The following ELMO1 variants were observed in gnomAD, a reference collection of about 807,000 sequenced individuals.
ELMO1 encodes the protein engulfment and cell motility 1, also known as engulfment and cell motility protein 1.
ELMO1 carries 26 observed loss-of-function variants against 98.9 expected under a neutral mutation model. The ratio of observed to expected loss-of-function variants is 0.26; its 90% CI spans 0.19 to 0.36. The LOEUF is 0.36. Ranked by LOEUF, ELMO1 falls within the 10% of genes least tolerant of loss-of-function variation. The probability of loss-of-function intolerance (pLI) is 1.00; values close to 1 mark genes in which losing one functional copy is unlikely to be tolerated. For synonymous variants in ELMO1, 346 were observed against 346.0 expected (o/e 1.00, Z 0.00); for missense variants, 627 against 935.2 (o/e 0.67, Z 4.30).
intron 1 of ELMO1, among the ~76,000 whole-genome samples, chr7:37,433,421 G>A (rs1269333882): frequency 2.0e-5 from 3 of 152,136 alleles, no homozygotes; most frequent in Admixed American, 6.5e-5. Context: ...TAGAAGTCAC[G>A]GAAGGTTCTC....
At chr7:36,992,554 TC>T (rs1460218725) in intron 16 of ELMO1, among the ~76,000 whole-genome samples, 2 of 152,130 alleles carry the variant, frequency 1.3e-5, no homozygotes, top group African/African-American at 4.8e-5. Context: ...GCCAAGCGCA[TC>T]CACTGGCAAT....
chr7:37,285,896 T>G (rs1160150243), intron 4 of ELMO1, among the ~76,000 whole-genome samples: 1 of 152,034 alleles, frequency 6.6e-6, no homozygotes, highest in African/African-American at 2.4e-5. Flanking sequence ...CAGTTTTAAC[T>G]TACCCCTCAA....
intron 13 of ELMO1, among the ~76,000 whole-genome samples, chr7:37,184,732 A>G (rs1791094044): frequency 6.6e-6 from 1 of 151,644 alleles, no homozygotes; most frequent in African/African-American, 2.4e-5. Context: ...ATATAGCAAA[A>G]CCCCATCTCT....
chr7:37,392,730 A>G (rs1803133647), intron 1 of ELMO1, among the ~76,000 whole-genome samples: 1 of 152,198 alleles, frequency 6.6e-6, no homozygotes, highest in Non-Finnish European at 1.5e-5. Flanking sequence ...TGCTCTCCTG[A>G]TTACAACTCC....
intron 7 of ELMO1, among the ~76,000 whole-genome samples, chr7:37,237,393 G>GA (rs1369586217): frequency 6.6e-6 from 1 of 152,070 alleles, no homozygotes; most frequent in South Asian, 2.1e-4. Context: ...AGGTTGAAGC[G>GA]ATTCTCCTGC....
At chr7:37,362,501 C>G (rs1236585596) in intron 1 of ELMO1, among the ~76,000 whole-genome samples, 1 of 152,114 alleles carries the variant, frequency 6.6e-6, no homozygotes, top group African/African-American at 2.4e-5. Flanking sequence ...TTTCTGAGTC[C>G]TTGTCTTTCT....
At chr7:37,217,902 G>A in intron 10 of ELMO1, 2 of 406,196 alleles carry the variant, frequency 4.9e-6, no homozygotes, top group East Asian at 7.2e-5. Flanking sequence ...ATACTGTAAG[G>A]TGACTCAAAA....
chr7:37,192,640 C>A, intron 13 of ELMO1, among the ~76,000 whole-genome samples: 1 of 150,072 alleles, frequency 6.7e-6, no homozygotes. Flanking sequence ...TCCACAAAAA[C>A]TACAAAAATT....
intron 1 of ELMO1, among the ~76,000 whole-genome samples, chr7:37,395,838 T>C (rs1370418132): frequency 2.0e-5 from 3 of 152,214 alleles, no homozygotes; most frequent in Non-Finnish European, 2.9e-5. Flanking sequence ...CAAGTAAAAC[T>C]GTGTAGTGCT....
chr7:36,865,715 A>G (rs6949576), intron 20 of ELMO1, among the ~76,000 whole-genome samples: 82,248 of 152,096 alleles, frequency 0.54, 22,506 homozygotes, highest in East Asian at 0.62. Flanking sequence ...CCCAGGCTCC[A>G]TGTTTAATTT....
At chr7:37,416,259 G>A (rs1208847700) in intron 1 of ELMO1, among the ~76,000 whole-genome samples, 1 of 152,194 alleles carries the variant, frequency 6.6e-6, no homozygotes, top group Non-Finnish European at 1.5e-5. Context: ...TCACAAAGAC[G>A]AAGCAGGGAA....
chr7:37,321,194 T>C (rs572576530), intron 2 of ELMO1, among the ~76,000 whole-genome samples: 1 of 152,278 alleles, frequency 6.6e-6, no homozygotes, highest in South Asian at 2.1e-4. Flanking sequence ...TTGTTCTCAT[T>C]TCCTATAGAA....
At chr7:37,206,081 G>A (rs1031364244) in intron 13 of ELMO1, among the ~76,000 whole-genome samples, 1 of 151,948 alleles carries the variant, frequency 6.6e-6, no homozygotes, top group Non-Finnish European at 1.5e-5. Context: ...CAACTCTCAC[G>A]TTCTGCTATC....
intron 16 of ELMO1, among the ~76,000 whole-genome samples, chr7:36,941,064 A>G (rs1786993549): frequency 6.6e-6 from 1 of 152,232 alleles, no homozygotes; most frequent in African/African-American, 2.4e-5. Context: ...TGTAAATGAA[A>G]TTCCAAGTTT....
chr7:37,409,803 C>A (rs1413289196), intron 1 of ELMO1, among the ~76,000 whole-genome samples: 1 of 152,178 alleles, frequency 6.6e-6, no homozygotes, highest in African/African-American at 2.4e-5. Context: ...TCACAACATT[C>A]CACTCAAGAT....
At chr7:37,105,436 T>C (rs555286769) in intron 14 of ELMO1, among the ~76,000 whole-genome samples, 6 of 152,268 alleles carry the variant, frequency 3.9e-5, no homozygotes, top group Non-Finnish European at 8.8e-5. Context: ...GGTACAGGTG[T>C]AGGGGGCACC....
chr7:37,292,064 C>A (rs1332275475), intron 4 of ELMO1, among the ~76,000 whole-genome samples: 2 of 124,772 alleles, frequency 1.6e-5, no homozygotes, highest in East Asian at 2.0e-4. Context: ...TCTCCTGCCT[C>A]AGCTTGCCCA....
chr7:37,041,212 G>A (rs6949716), intron 15 of ELMO1, among the ~76,000 whole-genome samples: 18,643 of 152,114 alleles, frequency 0.12, 1,543 homozygotes, highest in African/African-American at 0.25. Flanking sequence ...AACGACTCTC[G>A]TGCTACATTG....
At chr7:36,999,835 C>T (rs1444366739) in intron 16 of ELMO1, among the ~76,000 whole-genome samples, 1 of 152,108 alleles carries the variant, frequency 6.6e-6, no homozygotes. Context: ...TGCAGGGGAG[C>T]AAAGGCTGAG....
Sources: allele counts gnomAD v4.1 joint callset (sites outside exome capture counted in the v4.1 genomes callset), GRCh38; gene constraint gnomAD v4.1.1; transcripts MANE v1.5; gene names NCBI Gene and HGNC (gene_info 2026-07-23, HGNC 2026-07-21).